LAMA2: variants seen among roughly 807,000 people sequenced by gnomAD.
The protein encoded by LAMA2 is laminin subunit alpha 2, also known as laminin subunit alpha-2.
In LAMA2, 269 loss-of-function variants were observed where a neutral mutation model predicts 364.8. That is an observed-to-expected ratio of 0.74 (90% CI 0.67 to 0.82). The LOEUF is 0.82. Among genes scored for constraint, LAMA2 ranks in the 40% least tolerant of loss-of-function variants. The probability of loss-of-function intolerance (pLI) is 0.00; values close to 1 mark genes in which losing one functional copy is unlikely to be tolerated. For synonymous variants in LAMA2, 1,379 were observed against 1,370.6 expected (o/e 1.01, Z -0.14); for missense variants, 3,807 against 3,873.2 (o/e 0.98, Z 0.45).
chr6:129,029,933 A>G (rs1198447073), intron 1 of LAMA2, among the ~76,000 whole-genome samples: 2 of 152,066 alleles, frequency 1.3e-5, no homozygotes, highest in African/African-American at 2.4e-5. Flanking sequence ...ATCTGCTTAC[A>G]TATTAAAGGC....
intron 1 of LAMA2, among the ~76,000 whole-genome samples, chr6:128,907,496 C>G (rs915234300): frequency 1.9e-3 from 293 of 152,216 alleles, no homozygotes; most frequent in African/African-American, 6.9e-3. Flanking sequence ...TATCCTGAGA[C>G]TTTGCTGAAG....
In LAMA2 at chr6:129,190,254, A is replaced by T. The variant is rs777597861; in HGVS notation, c.1517A>T (p.Asn506Ile). ...AGTCGTTGCAAATCCGGCTTCTTCA[A>T]TTTGCAAGAGGATAATTGGAAAGGC... ...DCSRCKSGFF[N>I]LQEDNWKGCD... is the part of the protein sequence containing the mutation. Residue 506 changes from asparagine (N) to isoleucine (I), a missense_variant, in exon 11 of 65, where the codon AAT becomes ATT. Physicochemically the swap from Asn to Ile is moderately radical, Grantham distance 149. This residue lies in a region of LAMA2 where 3,333 missense variants were observed against 3,345.7 expected (regional missense o/e 1.00). Coordinates refer to ENST00000421865, the MANE Select transcript of LAMA2 (RefSeq NM_000426.4). 4 of 1,613,828 alleles carry T rather than the reference A, an allele frequency of 2.5e-6. No homozygotes were observed. In the South Asian group the frequency reaches 3.3e-5, roughly 13 times the overall value.
At chr6:129,271,451 T>C (rs1787927918) in intron 17 of LAMA2, among the ~76,000 whole-genome samples, 1 of 149,358 alleles carries the variant, frequency 6.7e-6, no homozygotes, top group South Asian at 2.1e-4. Context: ...TGTTTTGTTT[T>C]TAAATTGGGA....
intron 4 of LAMA2, among the ~76,000 whole-genome samples, chr6:129,110,241 G>T (rs1434124971): frequency 1.3e-5 from 2 of 151,938 alleles, no homozygotes; most frequent in Non-Finnish European, 2.9e-5. Context: ...AAACTGTGAA[G>T]CAGGAACAAT....
rs186631174 is a variant in LAMA2 at position 129,293,783 on chromosome 6, G to A, written c.2856+2063G>A. The stretch of plus-strand genomic sequence containing the variant: ...AATTGAGGATAGGGCATAGAAGAAG[G>A]AGAGATGGAAATAAAAAGTAAAGAA... On this transcript the variant is annotated intron_variant, in intron 20 of 64. Transcript: ENST00000421865. 2.1e-3 allele frequency among the ~76,000 whole-genome samples: 324 copies of A among 152,244 alleles called. 4 individuals carry two copies. Among genetic ancestry groups the A allele is most frequent in the Non-Finnish European group, 1.9e-3 (132 of 68,022 alleles).
intron 1 of LAMA2, among the ~76,000 whole-genome samples, chr6:128,979,614 C>T (rs187592402): frequency 1.1e-3 from 165 of 152,284 alleles, no homozygotes; most frequent in African/African-American, 3.7e-3. Flanking sequence ...TCAAAGTGTT[C>T]GCTAACTCAC....
At chr6:128,993,074 C>T (rs986825957) in intron 1 of LAMA2, among the ~76,000 whole-genome samples, 2 of 152,280 alleles carry the variant, frequency 1.3e-5, no homozygotes, top group Non-Finnish European at 2.9e-5. Context: ...CCCTGAGACA[C>T]ATTGTGAGAT....
At chr6:129,380,263 CT>C (rs1164123456) in intron 34 of LAMA2, among the ~76,000 whole-genome samples, 2 of 151,968 alleles carry the variant, frequency 1.3e-5, no homozygotes, top group Non-Finnish European at 2.9e-5. Flanking sequence ...TGAACAAAAT[CT>C]TTTTTTGAGA....
intron 17 of LAMA2, 152 bp from the exon 18 acceptor site, chr6:129,279,909 G>A: frequency 1.4e-6 from 1 of 711,050 alleles, no homozygotes; most frequent in South Asian, 1.5e-5. Context: ...ATCCTCCATT[G>A]GCCAGACCCT....
chr6:129,505,506 ATTTGTTTGTTTG>A (rs558876015), intron 61 of LAMA2, 151 bp downstream of exon 61: 3 of 691,850 alleles, frequency 4.3e-6, no homozygotes, highest in Admixed American at 2.4e-5. Context: ...TTTGTTGTTT[ATTTGTTTGTTTG>A]TTTGTTTTGA....
chr6:129,015,645 C>T (rs1210887826), intron 1 of LAMA2, among the ~76,000 whole-genome samples: 1 of 151,812 alleles, frequency 6.6e-6, no homozygotes, highest in African/African-American at 2.4e-5. Context: ...AAAGGTATTA[C>T]CTGTAAGTAT....
chr6:129,117,057 G>A (rs1339836483), intron 4 of LAMA2, among the ~76,000 whole-genome samples: 2 of 152,104 alleles, frequency 1.3e-5, no homozygotes, highest in East Asian at 3.9e-4. Context: ...GTTAGTTATT[G>A]CAATTCAACT....
chr6:129,179,724 T>C (rs1780818553), intron 10 of LAMA2, among the ~76,000 whole-genome samples: 2 of 152,188 alleles, frequency 1.3e-5, no homozygotes, highest in South Asian at 4.1e-4. Context: ...TAAATGCCTT[T>C]CTACCATGTG....
chr6:129,508,261 T>G (rs966237867), intron 62 of LAMA2, among the ~76,000 whole-genome samples: 3 of 152,190 alleles, frequency 2.0e-5, no homozygotes, highest in Non-Finnish European at 4.4e-5. Flanking sequence ...ACACAGTGGG[T>G]GTATATATTT....
intron 1 of LAMA2, among the ~76,000 whole-genome samples, chr6:128,983,030 G>A (rs1368202478): frequency 1.3e-5 from 2 of 151,188 alleles, no homozygotes; most frequent in African/African-American, 4.9e-5. Context: ...CATTTGGGTT[G>A]GTTCCAAGTC....
chr6:128,927,322 C>T (rs1779161178), intron 1 of LAMA2, among the ~76,000 whole-genome samples: 1 of 152,152 alleles, frequency 6.6e-6, no homozygotes, highest in South Asian at 2.1e-4. Context: ...AGACATTTTA[C>T]ATTCAGTGTA....
At chr6:129,387,982 G>A (rs1464467165) in intron 35 of LAMA2, among the ~76,000 whole-genome samples, 1 of 152,104 alleles carries the variant, frequency 6.6e-6, no homozygotes, top group Non-Finnish European at 1.5e-5. Flanking sequence ...GATGGGCTGG[G>A]CGTGGTGGCT....
At chr6:129,221,600 TTAAAC>T (rs1192229065) in intron 12 of LAMA2, among the ~76,000 whole-genome samples, 1 of 152,152 alleles carries the variant, frequency 6.6e-6, no homozygotes, top group Non-Finnish European at 1.5e-5. Context: ...AATTAAGAAT[TTAAAC>T]TACAGAAATA....
chr6:129,049,839 A>T (rs1312170293), intron 1 of LAMA2, 79 bp from the exon 2 acceptor site: 3 of 1,289,654 alleles, frequency 2.3e-6, no homozygotes, highest in African/African-American at 2.9e-5. Context: ...AAAATATTTT[A>T]TCTCAATTGC....
Sources: gnomAD v4.1 joint callset for allele counts (sites outside exome capture counted in the v4.1 genomes callset) on GRCh38, gnomAD v4.1.1 for gene constraint, gnomAD v4.1.1 regional missense constraint, MANE v1.5 for transcripts, NCBI Gene and HGNC (gene_info 2026-07-23, HGNC 2026-07-21) for gene names.